Variants in KALRN observed in about 807,000 individuals in gnomAD.
KALRN encodes the protein kalirin.
In KALRN, 70 loss-of-function variants were observed where a neutral mutation model predicts 353.7. The observed-to-expected ratio is 0.20, with a 90% CI of 0.16 to 0.24. The LOEUF is 0.24. Among genes scored for constraint, KALRN ranks in the 10% least tolerant of loss-of-function variants. The pLI is 1.00. For missense variants in KALRN, 2,791 were observed against 3,756.7 expected, an observed-to-expected ratio of 0.74 and a Z score of 6.72; for synonymous variants, 1,391 against 1,434.8, an observed-to-expected ratio of 0.97 and a Z score of 0.69.
chr3:124,331,965 G>A (rs1292645641), intron 8 of KALRN, among the ~76,000 whole-genome samples: 2 of 152,132 alleles, frequency 1.3e-5, no homozygotes, highest in East Asian at 1.9e-4. Context: ...CCTGGACATA[G>A]CATGGTGCCA....
intron 34 of KALRN, among the ~76,000 whole-genome samples, chr3:124,574,141 G>A (rs2073847451): frequency 6.6e-6 from 1 of 152,196 alleles, no homozygotes; most frequent in South Asian, 2.1e-4. Flanking sequence ...TGTCCTGCCT[G>A]TGGCTACATC....
At chr3:124,542,281 A>C (rs2069116473) in intron 33 of KALRN, among the ~76,000 whole-genome samples, 2 of 152,344 alleles carry the variant, frequency 1.3e-5, no homozygotes, top group Admixed American at 1.3e-4. Context: ...TTTGTGGTTC[A>C]GTTTTCAGCT....
At chr3:124,227,453 T>A (rs2078651093) in intron 1 of KALRN, among the ~76,000 whole-genome samples, 1 of 152,084 alleles carries the variant, frequency 6.6e-6, no homozygotes, top group African/African-American at 2.4e-5. Context: ...ACTTTCCTTG[T>A]TTGTAAAATA....
At chr3:124,207,602 T>G (rs1200261408) in intron 1 of KALRN, among the ~76,000 whole-genome samples, 1 of 152,218 alleles carries the variant, frequency 6.6e-6, no homozygotes, top group Non-Finnish European at 1.5e-5. Flanking sequence ...GCACAGGCTT[T>G]GGAATAGGAT....
At chr3:124,129,078 C>G (rs1447159866) in intron 1 of KALRN, among the ~76,000 whole-genome samples, 1 of 152,206 alleles carries the variant, frequency 6.6e-6, no homozygotes, top group East Asian at 1.9e-4. Flanking sequence ...CTGCGTACAG[C>G]CGTATTCAGC....
chr3:124,193,185 A>T (rs1307399229), intron 1 of KALRN, among the ~76,000 whole-genome samples: 2 of 152,126 alleles, frequency 1.3e-5, no homozygotes, highest in Admixed American at 6.5e-5. Flanking sequence ...GCTCCATGAA[A>T]GTTGGCTGCT....
intron 34 of KALRN, among the ~76,000 whole-genome samples, chr3:124,590,325 C>A (rs981954594): frequency 1.3e-5 from 2 of 152,158 alleles, no homozygotes; most frequent in East Asian, 3.8e-4. Context: ...TCCTGTGGTA[C>A]AGCTGCATGC....
chr3:124,492,688 G>A, intron 31 of KALRN, 52 bp from the exon 32 acceptor site: 3 of 1,583,158 alleles, frequency 1.9e-6, no homozygotes, highest in Middle Eastern at 1.7e-4. Flanking sequence ...AACTGTTTTT[G>A]GTAAGGTGAT....
chr3:124,506,744 C>T lies in KALRN; in HGVS notation c.4935+10331C>T, dbSNP rs559931442. The stretch of plus-strand genomic sequence containing the variant: ...ACCCTCTCTCCTGCTAGCTAGTGTC[C>T]TTTCTGCAAGAATAGAATTTTTAAA... On this transcript the variant is annotated intron_variant, in intron 33 of 59. Coordinates refer to ENST00000682506, the MANE Select transcript of KALRN (RefSeq NM_001388419.1). Among the ~76,000 whole-genome samples the T allele has an allele frequency of 5.3e-5, 8 of 152,316 alleles. No individual in the cohort carries two copies. The South Asian group carries it at 1.7e-3, about 32-fold the overall frequency.
At chr3:124,317,083 T>A (rs2078882800) in intron 6 of KALRN, among the ~76,000 whole-genome samples, 1 of 152,182 alleles carries the variant, frequency 6.6e-6, no homozygotes, top group Admixed American at 6.5e-5. Flanking sequence ...GCTAGGCTAT[T>A]CTGGAAAATC....
intron 34 of KALRN, among the ~76,000 whole-genome samples, chr3:124,572,569 G>C (rs73189597): frequency 6.6e-6 from 1 of 152,120 alleles, no homozygotes; most frequent in Non-Finnish European, 1.5e-5. Flanking sequence ...CCTGGGTTTA[G>C]CTTCCACATT....
chr3:124,064,870 C>A (rs1288553410), intron 1 of KALRN, among the ~76,000 whole-genome samples: 1 of 152,050 alleles, frequency 6.6e-6, no homozygotes, highest in Non-Finnish European at 1.5e-5. Context: ...AAATGTTGAC[C>A]CCTCAAAATT....
intron 10 of KALRN, among the ~76,000 whole-genome samples, chr3:124,373,942 C>T (rs563447996): frequency 1.5e-4 from 23 of 152,354 alleles, no homozygotes; most frequent in Admixed American, 4.6e-4. Flanking sequence ...TTGAGAAACT[C>T]TGTTCCACAT....
In KALRN at chr3:124,667,023, G is replaced by A; in HGVS notation, c.6543G>A (p.Leu2181=). ...TCGTTTTCTTCCAGATGAATTACTTGGTCCTGGAGGAGAATGTGGACAATG... is the reference window on the plus strand; with the variant it reads ...TCGTTTTCTTCCAGATGAATTACTTAGTCCTGGAGGAGAATGTGGACAATG... ...MFKRSIKMNY[L]VLEENVDNDP... The change falls in exon 47 of 60, where the codon TTG becomes TTA. Residue 2181 remains leucine, a synonymous_variant. Transcript: ENST00000682506. 6.3e-7 allele frequency: 1 copy of A among 1,597,212 alleles called. No homozygotes were observed. The highest frequency in any genetic ancestry group is 1.7e-4 in the Middle Eastern group (1 of 6,006).
intron 34 of KALRN, among the ~76,000 whole-genome samples, chr3:124,630,063 A>G (rs1382288904): frequency 2.0e-5 from 3 of 152,236 alleles, no homozygotes; most frequent in African/African-American, 7.2e-5. Context: ...CTAGGAAGAC[A>G]TCTGAAGTGG....
intron 1 of KALRN, among the ~76,000 whole-genome samples, chr3:124,146,575 G>A (rs1034273630): frequency 4.6e-5 from 7 of 151,976 alleles, no homozygotes; most frequent in Admixed American, 3.9e-4. Context: ...ATGTTCTATC[G>A]GATGTTAAAA....
At chr3:124,330,120 T>C (rs2080356064) in intron 8 of KALRN, 128 bp downstream of exon 8, 22 of 1,030,398 alleles carry the variant, frequency 2.1e-5, no homozygotes, top group Non-Finnish European at 2.9e-5. Flanking sequence ...TTTTCTTTTT[T>C]TTTGGTGACA....
At chr3:124,518,095 C>T (rs1007741138) in intron 33 of KALRN, among the ~76,000 whole-genome samples, 3 of 152,252 alleles carry the variant, frequency 2.0e-5, no homozygotes, top group African/African-American at 4.8e-5. Context: ...GGGATGAAAG[C>T]GTATGGATTT....
chr3:124,343,814 A>G (rs2097029137), intron 9 of KALRN, among the ~76,000 whole-genome samples: 1 of 152,196 alleles, frequency 6.6e-6, no homozygotes, highest in African/African-American at 2.4e-5. Context: ...TGTTACCCCT[A>G]TAGACTGAGT....
Sources: gnomAD v4.1 joint callset for allele counts (sites outside exome capture counted in the v4.1 genomes callset) on GRCh38, gnomAD v4.1.1 for gene constraint, MANE v1.5 for transcripts, NCBI Gene and HGNC (gene_info 2026-07-23, HGNC 2026-07-21) for gene names.